RPSA2: variants seen among roughly 807,000 people sequenced by gnomAD.
The protein encoded by RPSA2 is ribosomal protein SA 2, also known as small ribosomal subunit protein uS2B.
chr19:23,848,503 A>C, the RPSA2 span, among the ~76,000 whole-genome samples: 148,881 of 152,216 alleles, frequency 0.98, 72,903 homozygotes, highest in Middle Eastern at 1. Context: ...GATCTAATGT[A>C]TAACTCCAGG....
chr19:23,828,960 C>G, the RPSA2 span, among the ~76,000 whole-genome samples: 1 of 152,020 alleles, frequency 6.6e-6, no homozygotes, highest in African/African-American at 2.4e-5. Flanking sequence ...CACACACACA[C>G]ACACACACAA....
the RPSA2 span, among the ~76,000 whole-genome samples, chr19:23,814,570 A>C: frequency 6.6e-6 from 1 of 152,212 alleles, no homozygotes; most frequent in East Asian, 1.9e-4. Flanking sequence ...AGAGGTCATA[A>C]TAAAATTTTA....
chr19:23,773,132 T>A, the RPSA2 span, among the ~76,000 whole-genome samples: 1 of 150,478 alleles, frequency 6.6e-6, no homozygotes, highest in African/African-American at 2.4e-5. Flanking sequence ...AGTATCTCTC[T>A]GTTGCCCAGG....
the RPSA2 span, among the ~76,000 whole-genome samples, chr19:23,791,405 G>A: frequency 6.6e-6 from 1 of 152,300 alleles, no homozygotes; most frequent in South Asian, 2.1e-4. Context: ...TTCCGGCAAT[G>A]TAGTAATTTA....
chr19:23,781,746 C>T, the RPSA2 span, among the ~76,000 whole-genome samples: 8 of 152,202 alleles, frequency 5.3e-5, no homozygotes, highest in Admixed American at 4.6e-4. Flanking sequence ...GGTGTTGATT[C>T]TCATCCCTTG....
the RPSA2 span, chr19:23,818,831 A>ATGT: frequency 6.5e-6 from 1 of 152,852 alleles, no homozygotes; most frequent in Non-Finnish European, 1.5e-5. Flanking sequence ...CATAACATAT[A>ATGT]TAAGGCTGGC....
the RPSA2 span, chr19:23,832,725 T>G: frequency 1.1e-5 from 17 of 1,536,170 alleles, no homozygotes; most frequent in Non-Finnish European, 1.4e-5. Flanking sequence ...CCTACAAATG[T>G]GAAGAATATG....
chr19:23,843,851 C>A, the RPSA2 span, among the ~76,000 whole-genome samples: 3 of 152,106 alleles, frequency 2.0e-5, no homozygotes, highest in African/African-American at 7.2e-5. Context: ...TCTTTGCCTC[C>A]TGGGTTCAAG....
chr19:23,827,712 G>A, the RPSA2 span: 13 of 1,583,238 alleles, frequency 8.2e-6, no homozygotes, highest in South Asian at 3.3e-5. Flanking sequence ...GAAGTTCTGC[G>A]CATGCGTGGC....
chr19:23,766,142 CCTTTTTTTT>C, the RPSA2 span, among the ~76,000 whole-genome samples: 4 of 43,288 alleles, frequency 9.2e-5, no homozygotes, highest in South Asian at 5.8e-4. Flanking sequence ...TATTTCATTT[CCTTTTTTTT>C]TTTTTTTTTT....
At chr19:23,855,571 AG>A in the RPSA2 span, among the ~76,000 whole-genome samples, 1 of 152,242 alleles carries the variant, frequency 6.6e-6, no homozygotes, top group East Asian at 1.9e-4. Context: ...TTTCAAGAGC[AG>A]GAACATGAGA....
chr19:23,761,669 C>G, the RPSA2 span, among the ~76,000 whole-genome samples: 2 of 151,826 alleles, frequency 1.3e-5, no homozygotes, highest in African/African-American at 4.8e-5. Context: ...TATTTCCTCA[C>G]CCCTACCTCC....
At chr19:23,832,310 G>T in the RPSA2 span, 8 of 469,528 alleles carry the variant, frequency 1.7e-5, no homozygotes, top group East Asian at 4.8e-4. Flanking sequence ...CATTACAAGT[G>T]TGAAGAAAGT....
chr19:23,778,337 C>T, the RPSA2 span, among the ~76,000 whole-genome samples: 3 of 152,180 alleles, frequency 2.0e-5, no homozygotes, highest in Admixed American at 2.0e-4. Flanking sequence ...CTCAGCCTCC[C>T]AAGTAGCTGG....
chr19:23,859,157 T>C, the RPSA2 span, among the ~76,000 whole-genome samples: 1 of 152,182 alleles, frequency 6.6e-6, no homozygotes, highest in African/African-American at 2.4e-5. Flanking sequence ...AATTAATTTA[T>C]TAGTTAAAAT....
chr19:23,839,143 G>A, the RPSA2 span, among the ~76,000 whole-genome samples: 1 of 151,998 alleles, frequency 6.6e-6, no homozygotes, highest in Non-Finnish European at 1.5e-5. Flanking sequence ...TATCATTATT[G>A]TCATTAAGTT....
the RPSA2 span, among the ~76,000 whole-genome samples, chr19:23,792,992 G>C: frequency 1.3e-5 from 2 of 152,098 alleles, no homozygotes; most frequent in African/African-American, 4.8e-5. Context: ...CATAAAATGG[G>C]GTTGTATGGT....
At chr19:23,758,907 C>A in the RPSA2 span, 1 of 958,272 alleles carries the variant, frequency 1.0e-6, no homozygotes. Flanking sequence ...CCCCGCCAAT[C>A]CCGGAAGCCG....
the RPSA2 span, among the ~76,000 whole-genome samples, chr19:23,776,893 C>T: frequency 6.6e-6 from 1 of 152,294 alleles, no homozygotes; most frequent in South Asian, 2.1e-4. Flanking sequence ...ATGTTATCCC[C>T]TCCCCTCTCC....
Sources: allele counts gnomAD v4.1 joint callset (sites outside exome capture counted in the v4.1 genomes callset), GRCh38; gene constraint gnomAD v4.1.1; transcripts MANE v1.5; gene names NCBI Gene and HGNC (gene_info 2026-07-23, HGNC 2026-07-21).